Variants in TNRC6C observed in about 807,000 individuals in gnomAD.
TNRC6C encodes the protein trinucleotide repeat containing adaptor 6C, also known as trinucleotide repeat-containing gene 6C protein.
Under a neutral mutation model 153.7 loss-of-function variants are expected in TNRC6C, and 20 were observed. That is an observed-to-expected ratio of 0.13 (90% CI 0.09 to 0.19). TNRC6C has a LOEUF of 0.19. Ranked by LOEUF, TNRC6C falls within the 10% of genes least tolerant of loss-of-function variation. TNRC6C has a pLI of 1.00. For missense variants in TNRC6C, 1,987 were observed against 2,172.0 expected (o/e 0.91, Z 1.69); for synonymous variants, 811 against 841.4 (o/e 0.96, Z 0.63).
chr17:77,969,451 T>C (rs540452574), intron 1 of TNRC6C, among the ~76,000 whole-genome samples: 3 of 152,084 alleles, frequency 2.0e-5, no homozygotes, highest in African/African-American at 7.2e-5. Context: ...GGTTTCACCA[T>C]GTTGGCCAGG....
chr17:77,993,758 G>A (rs2071287055), intron 1 of TNRC6C, among the ~76,000 whole-genome samples: 1 of 152,008 alleles, frequency 6.6e-6, no homozygotes, highest in Non-Finnish European at 1.5e-5. Flanking sequence ...TATTTTTCAG[G>A]TAAATTTTCT....
intron 4 of TNRC6C, among the ~76,000 whole-genome samples, chr17:78,065,282 G>A (rs1158483109): frequency 6.6e-6 from 1 of 151,792 alleles, no homozygotes; most frequent in Non-Finnish European, 1.5e-5. Flanking sequence ...AGCCCGGGAG[G>A]TTAAGACTGC....
chr17:78,036,236 C>T (rs79494447), intron 2 of TNRC6C, among the ~76,000 whole-genome samples: 4,043 of 152,260 alleles, frequency 0.027, 181 homozygotes, highest in African/African-American at 0.092. Context: ...GCCCTCCCCC[C>T]AGGTTTTAGT....
chr17:78,073,109 A>G lies in TNRC6C; in HGVS notation c.2917+15A>G. The G allele has an allele frequency of 1.9e-6, 3 of 1,548,832 alleles. No individual in the cohort carries two copies. Among genetic ancestry groups the G allele is most frequent in the Non-Finnish European group, 2.6e-6 (3 of 1,144,920 alleles). ...TCAGGCCATGAGTAAGTCATACAAC[A>G]TCCTTTTTAAAAAGGTACCCAGCTG... On this transcript the variant is annotated intron_variant, in intron 7 of 19. Coordinates refer to ENST00000301624, the Ensembl canonical transcript of TNRC6C.
chr17:77,988,809 G>T (rs777311570), intron 1 of TNRC6C, among the ~76,000 whole-genome samples: 1 of 152,196 alleles, frequency 6.6e-6, no homozygotes, highest in Admixed American at 6.5e-5. Context: ...GAGACTTTGT[G>T]TACTTTTACC....
At chr17:78,033,874 G>A (rs2072124242) in intron 2 of TNRC6C, among the ~76,000 whole-genome samples, 1 of 152,066 alleles carries the variant, frequency 6.6e-6, no homozygotes, top group African/African-American at 2.4e-5. Context: ...AGTAGTCTCT[G>A]GTATCACAGC....
At chr17:78,057,744 T>C (rs1390731043) in intron 3 of TNRC6C, among the ~76,000 whole-genome samples, 1 of 152,228 alleles carries the variant, frequency 6.6e-6, no homozygotes, top group Non-Finnish European at 1.5e-5. Context: ...TGTCAGAGTT[T>C]GGGTTTTAAG....
intron 4 of TNRC6C, chr17:78,066,715 G>A (rs1241556201): frequency 2.6e-5 from 4 of 152,148 alleles, no homozygotes; most frequent in African/African-American, 9.7e-5. Flanking sequence ...TATCTGAAGT[G>A]GAAACTCGAT....
At chr17:78,052,467 A>G (rs866649826) in intron 3 of TNRC6C, among the ~76,000 whole-genome samples, 1 of 152,182 alleles carries the variant, frequency 6.6e-6, no homozygotes, top group Admixed American at 6.5e-5. Context: ...GTCTAGATCT[A>G]GTGAGGGTGG....
At chr17:78,005,042 C>CTT (rs751925601), upstream of TNRC6C, 234 of 915,532 alleles carry the variant, frequency 2.6e-4, no homozygotes, top group Middle Eastern at 4.1e-4. Flanking sequence ...CTTTCTCTCT[C>CTT]TTTTTTTTTT....
intron 5 of TNRC6C, among the ~76,000 whole-genome samples, chr17:78,069,139 A>T (rs1171765585): frequency 6.6e-6 from 1 of 152,194 alleles, no homozygotes; most frequent in Non-Finnish European, 1.5e-5. Flanking sequence ...AGCAAACTGG[A>T]AAAATATGTT....
chr17:78,075,353 C>T lies in TNRC6C; in HGVS notation c.3060+75C>T. ...TTTCATTTCAACTGTGTCCTTAATACAAGCCAGATTAAAAACTTGCTGGAC... is the reference window on the plus strand; with the variant it reads ...TTTCATTTCAACTGTGTCCTTAATATAAGCCAGATTAAAAACTTGCTGGAC... On this transcript the variant is annotated intron_variant, in intron 8 of 19. Coordinates refer to ENST00000301624, the Ensembl canonical transcript of TNRC6C. This position sits in a 1 kb window ranked among gnomAD's most constrained non-coding sequence, Gnocchi z 4.2. The T allele has an allele frequency of 2.7e-6, 4 of 1,489,354 alleles. No individual in the cohort carries two copies. The highest frequency in any genetic ancestry group is 2.8e-5 in the African/African-American group (2 of 70,908). The allele number at this position is 1,489,354 out of a possible 1,614,324, so 92.3% of individuals were successfully genotyped here.
chr17:78,024,918 C>T (rs995548673), intron 1 of TNRC6C, among the ~76,000 whole-genome samples: 6 of 151,712 alleles, frequency 4.0e-5, no homozygotes, highest in African/African-American at 1.5e-4. Context: ...CTCAGCCTCC[C>T]GAGTAGCTGG....
At chr17:77,984,525 AG>A (rs747911164) in intron 1 of TNRC6C, among the ~76,000 whole-genome samples, 33 of 152,028 alleles carry the variant, frequency 2.2e-4, no homozygotes, top group Non-Finnish European at 4.0e-4. Flanking sequence ...CTCAAAAAAA[AG>A]AAGTAGGGGG....
At chr17:78,026,919 A>G (rs2071952215) in intron 1 of TNRC6C, among the ~76,000 whole-genome samples, 1 of 152,182 alleles carries the variant, frequency 6.6e-6, no homozygotes, top group South Asian at 2.1e-4. Flanking sequence ...AATAGAAATG[A>G]CAAGGTTTGG....
chr17:78,025,602 C>T (rs1446605868), intron 1 of TNRC6C, among the ~76,000 whole-genome samples: 1 of 151,890 alleles, frequency 6.6e-6, no homozygotes, highest in Non-Finnish European at 1.5e-5. Context: ...TGGGTAAATA[C>T]CTATTAGCTT....
At position 78,097,877 on chromosome 17, in the gene TNRC6C, C is replaced by G; in HGVS notation, c.4307-466C>G. 4.0e-6 allele frequency: 6 copies of G among 1,504,032 alleles called. No individual in the cohort carries two copies. The highest frequency in any genetic ancestry group is 4.5e-6 in the Non-Finnish European group (5 of 1,119,978). 93.2% of individuals were successfully genotyped at this position (1,504,032 alleles called of 1,614,324 possible). A position where few individuals can be genotyped will look rare whatever the true frequency, so the allele number is the denominator to read the frequency against. On this transcript the variant is annotated intron_variant, in intron 16 of 19. Coordinates refer to ENST00000301624, the Ensembl canonical transcript of TNRC6C. ...AGTGTTGCAGGTACGCGCCTGGCCT[C>G]TAGACTTGCAGGTAGCATTTTCTTT...
Position 78,049,538 on chromosome 17 carries a change from G to A in TNRC6C, c.476G>A (p.Ser159Asn). ...TGGGGAAACTTGCTGCCACAAGAGA[G>A]CACAGAACCACAAACGTCCACTTCT... Residue 159 changes from serine to asparagine, a missense_variant, in exon 3 of 20, where the codon AGC becomes AAC. By Grantham distance (46) the Ser-to-Asn change is conservative. Transcript: ENST00000301624. The surrounding 1 kb of genome is among the most constrained non-coding windows in gnomAD (Gnocchi z 4.1). 1 of 1,614,016 alleles carries A rather than the reference G, an allele frequency of 6.2e-7. No individual in the cohort carries two copies. Among genetic ancestry groups the A allele is most frequent in the Non-Finnish European group, 8.5e-7 (1 of 1,179,896 alleles).
intron 1 of TNRC6C, among the ~76,000 whole-genome samples, chr17:77,991,886 C>A (rs992868778): frequency 6.6e-6 from 1 of 152,106 alleles, no homozygotes; most frequent in Non-Finnish European, 1.5e-5. Flanking sequence ...AAACTCAGTC[C>A]GACCTCAGTT....
Sources: allele counts gnomAD v4.1 joint callset (sites outside exome capture counted in the v4.1 genomes callset), GRCh38; gene constraint gnomAD v4.1.1; non-coding constraint Gnocchi (gnomAD v3.1); transcripts MANE v1.5; gene names NCBI Gene and HGNC (gene_info 2026-07-23, HGNC 2026-07-21).